MINPP1: variants seen among roughly 807,000 people sequenced by gnomAD.
The protein encoded by MINPP1 is multiple inositol-polyphosphate phosphatase 1.
Under a neutral mutation model 46.1 loss-of-function variants are expected in MINPP1, and 28 were observed. The observed-to-expected ratio is 0.61, with a 90% confidence interval of 0.45 to 0.83. MINPP1 has a LOEUF of 0.83. Among genes scored for constraint, MINPP1 ranks in the 40% least tolerant of loss-of-function variants. The pLI is 0.00. For missense variants in MINPP1, 603 were observed against 610.0 expected, an observed-to-expected ratio of 0.99 and a Z score of 0.12; for synonymous variants, 268 against 249.1, an observed-to-expected ratio of 1.08 and a Z score of -0.72.
At chr10:87,518,560 C>T (rs1353028025) in intron 3 of MINPP1, among the ~76,000 whole-genome samples, 3 of 151,918 alleles carry the variant, frequency 2.0e-5, no homozygotes, top group Non-Finnish European at 2.9e-5. Context: ...TTCCCCTGCA[C>T]GCCAAGCAGG....
Position 87,505,096 on chromosome 10 carries a change from T to G in MINPP1, c.181T>G (p.Leu61Val). 1 of 1,613,574 alleles carries G rather than the reference T, an allele frequency of 6.2e-7. No individual in the cohort carries two copies. Among genetic ancestry groups the G allele is most frequent in the Non-Finnish European group, 8.5e-7 (1 of 1,179,888 alleles). ...CTACGAGGATGTCAACCCCGTGCTA[T>G]TGTCGGGCCCCGAGGCTCCGTGGCG... ...TRYEDVNPVL[L>V]SGPEAPWRDP... The change falls in exon 1 of 5, where the codon TTG becomes GTG. Residue 61 changes from leucine (L) to valine (V), a missense_variant. By Grantham distance (32) the Leu-to-Val change is conservative. Transcript: ENST00000371996. This position sits in a 1 kb window ranked among gnomAD's most constrained non-coding sequence, Gnocchi z 4.4.
At chr10:87,550,896 T>G (rs1052532973) in intron 4 of MINPP1, among the ~76,000 whole-genome samples, 1 of 152,034 alleles carries the variant, frequency 6.6e-6, no homozygotes, top group African/African-American at 2.4e-5. Context: ...TAGGCCTGCC[T>G]TGCACTCACC....
intron 4 of MINPP1, among the ~76,000 whole-genome samples, chr10:87,536,487 C>T (rs570114697): frequency 1.1e-4 from 17 of 151,602 alleles, no homozygotes; most frequent in South Asian, 6.2e-4. Flanking sequence ...TATATATATA[C>T]GCCCATGAAA....
chr10:87,525,645 C>G (rs1851565667), intron 4 of MINPP1, among the ~76,000 whole-genome samples: 2 of 152,158 alleles, frequency 1.3e-5, no homozygotes, highest in South Asian at 4.1e-4. Flanking sequence ...GTGCTGCACC[C>G]ATTAACTCGT....
chr10:87,551,659 T>C (rs1851964753), intron 4 of MINPP1, among the ~76,000 whole-genome samples: 1 of 152,106 alleles, frequency 6.6e-6, no homozygotes, highest in African/African-American at 2.4e-5. Context: ...ATTCCCTAGA[T>C]ATAAATAAAA....
intron 4 of MINPP1, among the ~76,000 whole-genome samples, chr10:87,528,725 C>T (rs1383742981): frequency 6.6e-6 from 1 of 152,172 alleles, no homozygotes; most frequent in Non-Finnish European, 1.5e-5. Context: ...TCTATTAGGT[C>T]TGCTTGGTGC....
At chr10:87,537,170 C>CTT (rs540800310) in intron 4 of MINPP1, among the ~76,000 whole-genome samples, 1 of 152,146 alleles carries the variant, frequency 6.6e-6, no homozygotes, top group African/African-American at 2.4e-5. Context: ...CTCCTGACCT[C>CTT]AGATAATCCA....
intron 4 of MINPP1, among the ~76,000 whole-genome samples, chr10:87,526,847 G>A (rs1386552489): frequency 2.0e-5 from 3 of 152,180 alleles, no homozygotes; most frequent in Non-Finnish European, 2.9e-5. Context: ...TCAAAGATCA[G>A]ATGGTTGTAG....
chr10:87,513,315 A>AAG, intron 3 of MINPP1, 94 bp downstream of exon 3: 1 of 830,606 alleles, frequency 1.2e-6, no homozygotes. Flanking sequence ...CTTTTCAGAA[A>AAG]ATGAGTAGTT....
rs1244237962 is a variant in MINPP1 at position 87,528,533 on chromosome 10, TA to T, written c.1067+7366del. 2.6e-5 allele frequency among the ~76,000 whole-genome samples: 4 copies of T among 152,262 alleles called. No homozygotes were observed. The East Asian group carries it at 7.7e-4, about 29-fold the overall frequency. ...GTTGAGCGGTTTTGAGTGAGTTTCT[TA>T]ATCCTGAGTTCTAGTTTGATTGCAC... On this transcript the variant is annotated intron_variant, in intron 4 of 4. Coordinates refer to ENST00000371996, the MANE Select transcript of MINPP1 (RefSeq NM_004897.5).
intron 3 of MINPP1, among the ~76,000 whole-genome samples, chr10:87,518,672 G>T (rs1470951428): frequency 6.6e-6 from 1 of 152,114 alleles, no homozygotes; most frequent in African/African-American, 2.4e-5. Flanking sequence ...TGCCCCATCG[G>T]TACTCTTCTG....
At chr10:87,513,078 T>G (rs763433671) in intron 2 of MINPP1, 46 bp from the exon 3 acceptor site, 4 of 1,391,288 alleles carry the variant, frequency 2.9e-6, no homozygotes, top group South Asian at 1.2e-5. Flanking sequence ...TTTGAAAAAT[T>G]GCAGAAAATA....
chr10:87,526,943 C>T (rs1043475133), intron 4 of MINPP1, among the ~76,000 whole-genome samples: 1 of 152,180 alleles, frequency 6.6e-6, no homozygotes, highest in African/African-American at 2.4e-5. Flanking sequence ...GTTTTGGTTA[C>T]TGTAGACTTG....
At chr10:87,524,285 T>C (rs1851544345) in intron 4 of MINPP1, among the ~76,000 whole-genome samples, 1 of 152,210 alleles carries the variant, frequency 6.6e-6, no homozygotes, top group South Asian at 2.1e-4. Context: ...CCCCATGAGC[T>C]AACCTCTGCC....
chr10:87,513,727 C>G (rs1274994894), intron 3 of MINPP1, among the ~76,000 whole-genome samples: 1 of 152,152 alleles, frequency 6.6e-6, no homozygotes, highest in Admixed American at 6.5e-5. Context: ...CTTTATCACT[C>G]TCTCTACTAT....
intron 4 of MINPP1, among the ~76,000 whole-genome samples, chr10:87,545,572 T>A (rs1410210302): frequency 6.6e-6 from 1 of 152,236 alleles, no homozygotes; most frequent in East Asian, 1.9e-4. Flanking sequence ...GACATAATAC[T>A]AACTTAAAAT....
intron 4 of MINPP1, among the ~76,000 whole-genome samples, chr10:87,549,156 AAG>A (rs1277754323): frequency 1.3e-5 from 2 of 152,208 alleles, no homozygotes; most frequent in African/African-American, 4.8e-5. Context: ...GCAGTAAAAA[AAG>A]GGGGGAAGGT....
At position 87,504,977 on chromosome 10, in the gene MINPP1, C is replaced by T. The variant is rs1457335854; in HGVS notation, c.62C>T (p.Ala21Val). 3.2e-5 allele frequency: 52 copies of T among 1,611,990 alleles called. No individual in the cohort carries two copies. The highest frequency in any genetic ancestry group is 4.2e-5 in the Non-Finnish European group (49 of 1,179,590). Reference protein sequence around the residue: ...TSVAPAAALAAALLSSLARCS... With the variant: ...TSVAPAAALAVALLSSLARCS... ...GTAGCGCCTGCCGCGGCCCTGGCTG[C>T]GGCGCTGCTCTCGTCGCTTGCGCGC... Residue 21 changes from alanine (A) to valine (V), a missense_variant, in exon 1 of 5, where the codon GCG becomes GTG. Physicochemically the swap from Ala to Val is moderately conservative, Grantham distance 64. Transcript: ENST00000371996.
intron 4 of MINPP1, among the ~76,000 whole-genome samples, chr10:87,528,511 G>T (rs1851610756): frequency 6.6e-6 from 1 of 152,186 alleles, no homozygotes. Context: ...CCATGTAGTT[G>T]AGCGGTTTTG....
Sources: allele counts gnomAD v4.1 joint callset (sites outside exome capture counted in the v4.1 genomes callset), GRCh38; gene constraint gnomAD v4.1.1; non-coding constraint Gnocchi (gnomAD v3.1); transcripts MANE v1.5; gene names NCBI Gene and HGNC (gene_info 2026-07-23, HGNC 2026-07-21).